FAT3: variants seen among roughly 807,000 people sequenced by gnomAD.
FAT3 encodes protocadherin Fat 3.
A neutral mutation model predicts 310.2 loss-of-function variants in FAT3; 95 were observed. The ratio of observed to expected loss-of-function variants is 0.31; its 90% confidence interval spans 0.26 to 0.36. The LOEUF (loss-of-function observed/expected upper bound fraction) is 0.36. Among genes scored for constraint, FAT3 ranks in the 10% least tolerant of loss-of-function variants. FAT3 has a pLI of 1.00. For missense variants in FAT3, 5,408 were observed against 5,715.6 expected (o/e 0.95, Z 1.74); for synonymous variants, 2,314 against 2,192.9 (o/e 1.06, Z -1.54).
At chr11:92,612,273 C>T (rs1188537767) in intron 3 of FAT3, among the ~76,000 whole-genome samples, 1 of 152,194 alleles carries the variant, frequency 6.6e-6, no homozygotes. Flanking sequence ...CACCTCACCC[C>T]TGCGAAAATC....
At chr11:92,548,766 G>A (rs1410638330) in intron 3 of FAT3, among the ~76,000 whole-genome samples, 3 of 152,120 alleles carry the variant, frequency 2.0e-5, no homozygotes, top group African/African-American at 7.2e-5. Context: ...GGGAAGGTAG[G>A]GAAGAAGTGA....
chr11:92,861,667 G>A (rs1331430290), intron 21 of FAT3, among the ~76,000 whole-genome samples: 1 of 152,224 alleles, frequency 6.6e-6, no homozygotes, highest in East Asian at 1.9e-4. Flanking sequence ...GGACACAGCT[G>A]TACTAAACTA....
intron 3 of FAT3, among the ~76,000 whole-genome samples, chr11:92,659,355 G>A (rs532630318): frequency 6.6e-6 from 1 of 152,268 alleles, no homozygotes; most frequent in South Asian, 2.1e-4. Flanking sequence ...ATTGTAATAT[G>A]ATTTTGTTGT....
chr11:92,874,741 A>G (rs2136377349), intron 22 of FAT3, among the ~76,000 whole-genome samples: 1 of 152,080 alleles, frequency 6.6e-6, no homozygotes, highest in Non-Finnish European at 1.5e-5. Context: ...GTTTCACCAT[A>G]TTGGTCAGGC....
At chr11:92,312,462 T>G (rs1947333142) in intron 1 of FAT3, among the ~76,000 whole-genome samples, 1 of 152,138 alleles carries the variant, frequency 6.6e-6, no homozygotes, top group Admixed American at 6.5e-5. Flanking sequence ...CCTCTGAAAG[T>G]AGATGAATCA....
chr11:92,241,128 G>T (rs1441735297), intron 1 of FAT3, among the ~76,000 whole-genome samples: 1 of 152,046 alleles, frequency 6.6e-6, no homozygotes, highest in African/African-American at 2.4e-5. Context: ...TCTAGCCCTG[G>T]TATCTACTTG....
chr11:92,733,046 G>T (rs1196505030), intron 4 of FAT3, among the ~76,000 whole-genome samples: 1 of 152,196 alleles, frequency 6.6e-6, no homozygotes, highest in African/African-American at 2.4e-5. Context: ...TTGCTGAGGG[G>T]CAGGTAGCTG....
rs778681672 is a variant in FAT3, at chr11:92,844,117, C to G, written c.10750C>G (p.Leu3584Val). The G allele has an allele frequency of 1.7e-5, 28 of 1,613,902 alleles. No individual in the cohort carries two copies. In the Admixed American group the frequency reaches 4.7e-4, roughly 27 times the overall value. The change falls in exon 19 of 28, where the codon CTC (leucine) becomes GTC (valine). Residue 3584 changes from leucine (L) to valine (V), a missense_variant. By Grantham distance (32) the Leu-to-Val change is conservative. This residue lies in a region of FAT3 where 4,588 missense variants were observed against 4,809.8 expected (regional missense o/e 0.95). Transcript: ENST00000525166. The part of the protein sequence containing the change: ...HATDQDMYDV[L>V]TFALKSEQKS... ...CACAGATCAAGACATGTATGATGTG[C>G]TCACATTTGCCCTGAAATCGGAGCA...
rs1301548962 is a variant in FAT3, at chr11:92,353,910, G to A, written c.1798G>A (p.Val600Ile). Residue 600 changes from valine to isoleucine, a missense_variant, in exon 2 of 28, where the codon GTC becomes ATC. By Grantham distance (29) the Val-to-Ile change is conservative (BLOSUM62 3). Coordinates refer to ENST00000525166, the MANE Select transcript of FAT3 (RefSeq NM_001367949.2). ...TCCAGTTGGTGGTCACATCACAGCA[G>A]TCTCAGCGATCGATATCGATGAACT... The part of the protein sequence containing the change: ...DFPVGGHITA[V>I]SAIDIDELEL... 1 of 1,612,428 alleles carries A rather than the reference G, an allele frequency of 6.2e-7. No homozygotes were observed. Among genetic ancestry groups the A allele is most frequent in the African/African-American group, 1.3e-5 (1 of 74,918 alleles).
intron 2 of FAT3, among the ~76,000 whole-genome samples, chr11:92,360,150 T>G (rs1948842339): frequency 6.6e-6 from 1 of 152,130 alleles, no homozygotes; most frequent in South Asian, 2.1e-4. Context: ...ATAAGCAACT[T>G]CAGCAAAGTC....
intron 2 of FAT3, chr11:92,408,214 C>G (rs1463284784): frequency 1.3e-5 from 2 of 152,152 alleles, no homozygotes; most frequent in African/African-American, 4.8e-5. Context: ...TGAGGTGTCT[C>G]TTTTCCTAAG....
intron 1 of FAT3, among the ~76,000 whole-genome samples, chr11:92,297,160 A>G (rs557802485): frequency 6.6e-6 from 1 of 152,090 alleles, no homozygotes; most frequent in African/African-American, 2.4e-5. Flanking sequence ...CATCATTGGT[A>G]GTCCTTCTCT....
In FAT3 at chr11:92,499,723, A is replaced by ATGTGTGTGTGTG. The variant is rs61267708; in HGVS notation, c.3293-24890_3293-24879dup. Among the ~76,000 whole-genome samples the ATGTGTGTGTGTG allele has an allele frequency of 2.9e-3, 366 of 127,824 alleles. 2 individuals are homozygous for ATGTGTGTGTGTG. The highest frequency in any genetic ancestry group is 9.0e-3 in the African/African-American group (344 of 38,144). 83.9% of individuals were successfully genotyped at this position (127,824 alleles called of 152,430 possible). On this transcript the variant is annotated intron_variant, in intron 2 of 27. Coordinates refer to ENST00000525166, the MANE Select transcript of FAT3 (RefSeq NM_001367949.2). ...ATCTTGTGTGTGTGTATGTGTGTGT[A>ATGTGTGTGTGTG]TGTGTGTGTGTGTGTGTGTGTGTGT...
chr11:92,497,045 C>A (rs1952789920), intron 2 of FAT3, among the ~76,000 whole-genome samples: 2 of 152,008 alleles, frequency 1.3e-5, no homozygotes, highest in East Asian at 3.9e-4. Flanking sequence ...CGAATGGAAC[C>A]TGACTTAGGT....
At chr11:92,767,807 C>CT (rs1430513190) in intron 6 of FAT3, among the ~76,000 whole-genome samples, 2 of 152,120 alleles carry the variant, frequency 1.3e-5, no homozygotes, top group African/African-American at 2.4e-5. Flanking sequence ...CTGCCAAAAC[C>CT]TCTGTTGCTA....
Position 92,577,763 on chromosome 11 carries a change from G to A in FAT3, c.3607+52815G>A, listed in dbSNP as rs531976033. On this transcript the variant is annotated intron_variant, in intron 3 of 27. Coordinates refer to ENST00000525166, the MANE Select transcript of FAT3 (RefSeq NM_001367949.2). ...GCAAAGAAATTTACGGGGCAGCAGTGTGCTGGGAGATACTTGGCCTATTCC... is the reference window on the plus strand; with the variant it reads ...GCAAAGAAATTTACGGGGCAGCAGTATGCTGGGAGATACTTGGCCTATTCC... Among the ~76,000 whole-genome samples the A allele has an allele frequency of 1.7e-4, 26 of 152,196 alleles. No homozygotes were observed. The South Asian group carries it at 4.4e-3, about 26-fold the overall frequency.
At chr11:92,887,421 C>G (rs1217927142) in intron 25 of FAT3, among the ~76,000 whole-genome samples, 1 of 152,216 alleles carries the variant, frequency 6.6e-6, no homozygotes, top group Non-Finnish European at 1.5e-5. Flanking sequence ...ATGATATTCT[C>G]TAGCAGACAG....
intron 2 of FAT3, among the ~76,000 whole-genome samples, chr11:92,437,887 T>G (rs1237030036): frequency 6.6e-6 from 1 of 152,006 alleles, no homozygotes; most frequent in African/African-American, 2.4e-5. Context: ...ATGGCTTTAA[T>G]TGGTGGGAGA....
chr11:92,407,498 C>G (rs1950159008), intron 2 of FAT3, among the ~76,000 whole-genome samples: 1 of 152,070 alleles, frequency 6.6e-6, no homozygotes, highest in South Asian at 2.1e-4. Flanking sequence ...AGCACTTGTA[C>G]CTTTGCTTCA....
Sources: gnomAD v4.1 joint callset for allele counts (sites outside exome capture counted in the v4.1 genomes callset) on GRCh38, gnomAD v4.1.1 for gene constraint, gnomAD v4.1.1 regional missense constraint, MANE v1.5 for transcripts, NCBI Gene and HGNC (gene_info 2026-07-23, HGNC 2026-07-21) for gene names.